SH3PXD2A: variants seen among roughly 807,000 people sequenced by gnomAD.
SH3PXD2A encodes SH3 and PX domain-containing protein 2A.
Under a neutral mutation model 115.2 loss-of-function variants are expected in SH3PXD2A, and 32 were observed. The ratio of observed to expected loss-of-function variants is 0.28; its 90% CI spans 0.21 to 0.37. The LOEUF is 0.37. Among genes scored for constraint, SH3PXD2A ranks in the 10% least tolerant of loss-of-function variants. The pLI is 1.00. For synonymous variants in SH3PXD2A, 610 were observed against 629.1 expected, an observed-to-expected ratio of 0.97 and a Z score of 0.45; for missense variants, 1,328 against 1,498.7, an observed-to-expected ratio of 0.89 and a Z score of 1.88.
At chr10:103,623,015 C>G (rs528377688) in intron 9 of SH3PXD2A, among the ~76,000 whole-genome samples, 262 of 152,288 alleles carry the variant, frequency 1.7e-3, no homozygotes, top group African/African-American at 5.2e-3. Context: ...AACGTGCTAC[C>G]TTGGACAGGC....
intron 4 of SH3PXD2A, among the ~76,000 whole-genome samples, chr10:103,734,041 T>C (rs565772297): frequency 1.3e-5 from 2 of 152,264 alleles, no homozygotes; most frequent in East Asian, 3.9e-4. Flanking sequence ...ATATACATTC[T>C]CCCTACTCAG....
chr10:103,644,015 T>C (rs2036994937), intron 8 of SH3PXD2A, among the ~76,000 whole-genome samples: 1 of 145,852 alleles, frequency 6.9e-6, no homozygotes, highest in African/African-American at 2.6e-5. Context: ...CTGGGGAGGC[T>C]GAGGTAAGAG....
chr10:103,834,705 A>G (rs2039513303), intron 1 of SH3PXD2A, among the ~76,000 whole-genome samples: 1 of 152,214 alleles, frequency 6.6e-6, no homozygotes, highest in African/African-American at 2.4e-5. Flanking sequence ...CGTTGCTTTT[A>G]TGCCAGCCAC....
intron 2 of SH3PXD2A, among the ~76,000 whole-genome samples, chr10:103,796,807 C>T (rs181659509): frequency 5.0e-4 from 76 of 151,130 alleles, no homozygotes; most frequent in African/African-American, 1.7e-3. Context: ...TTCAGATAAA[C>T]GACAAATAAC....
chr10:103,682,251 G>A (rs1321783829), intron 6 of SH3PXD2A, among the ~76,000 whole-genome samples: 2 of 152,204 alleles, frequency 1.3e-5, no homozygotes, highest in Non-Finnish European at 2.9e-5. Context: ...AGGCCAATTG[G>A]GCAGTGGGGC....
At chr10:103,750,737 C>G (rs1163013383) in intron 3 of SH3PXD2A, among the ~76,000 whole-genome samples, 5 of 152,232 alleles carry the variant, frequency 3.3e-5, no homozygotes, top group African/African-American at 1.2e-4. Context: ...GGGGTCAATG[C>G]TCTTTCTGCC....
rs1161491353 is a variant in SH3PXD2A at position 103,702,598 on chromosome 10, T to TGTGTGTGTGTGTGTGC, written c.399-9558_399-9543dup. Among the ~76,000 whole-genome samples the TGTGTGTGTGTGTGTGC allele has an allele frequency of 6.9e-4, 103 of 149,602 alleles. 1 individual carries two copies. Among genetic ancestry groups the TGTGTGTGTGTGTGTGC allele is most frequent in the African/African-American group, 2.4e-3 (99 of 40,468 alleles). ...ACAGATGTAAGCCTGTGTGTGTGCG[T>TGTGTGTGTGTGTGTGC]GTGTGTGTGTGTGTGCATGCTGGGT... On this transcript the variant is annotated intron_variant, in intron 5 of 14. Transcript: ENST00000369774.
intron 11 of SH3PXD2A, among the ~76,000 whole-genome samples, chr10:103,616,770 C>G (rs1200361261): frequency 6.6e-6 from 1 of 152,124 alleles, no homozygotes; most frequent in Non-Finnish European, 1.5e-5. Context: ...AGTACTGAGC[C>G]TGGGCAGCAG....
At chr10:103,702,585 C>CTGTGTGTGTGTGTGTGTGTGTGTG (rs61568990) in intron 5 of SH3PXD2A, among the ~76,000 whole-genome samples, 2 of 32,984 alleles carry the variant, frequency 6.1e-5, no homozygotes, top group Admixed American at 3.2e-4. Context: ...AGATGTAAGC[C>CTGTGTGTGTGTGTGTGTGTGTGTG]TGTGTGTGTG....
intron 5 of SH3PXD2A, among the ~76,000 whole-genome samples, chr10:103,720,061 G>C (rs2038163529): frequency 6.6e-6 from 1 of 152,226 alleles, no homozygotes; most frequent in Non-Finnish European, 1.5e-5. Flanking sequence ...ATTGCTCACA[G>C]TTCTGGAGGC....
At chr10:103,839,533 G>A (rs1238252432) in intron 1 of SH3PXD2A, among the ~76,000 whole-genome samples, 1 of 152,094 alleles carries the variant, frequency 6.6e-6, no homozygotes, top group Non-Finnish European at 1.5e-5. Flanking sequence ...TTTTACAGAT[G>A]AGAAAACCGA....
intron 5 of SH3PXD2A, among the ~76,000 whole-genome samples, chr10:103,697,448 T>G (rs1592306472): frequency 2.6e-5 from 4 of 152,192 alleles, no homozygotes; most frequent in Non-Finnish European, 4.4e-5. Flanking sequence ...CTCACCACGA[T>G]GCTGGCAGAC....
chr10:103,701,309 A>C (rs1297579503), intron 5 of SH3PXD2A, among the ~76,000 whole-genome samples: 3 of 138,848 alleles, frequency 2.2e-5, no homozygotes, highest in Non-Finnish European at 4.6e-5. Context: ...CCATCCATTC[A>C]TCCATCCATC....
chr10:103,843,095 T>A (rs773096833), intron 1 of SH3PXD2A, among the ~76,000 whole-genome samples: 8 of 152,204 alleles, frequency 5.3e-5, no homozygotes, highest in Admixed American at 2.0e-4. Flanking sequence ...GGAACAGTTA[T>A]CATATGAGTA....
At chr10:103,650,350 C>T (rs1208198664) in intron 8 of SH3PXD2A, among the ~76,000 whole-genome samples, 1 of 152,238 alleles carries the variant, frequency 6.6e-6, no homozygotes, top group Non-Finnish European at 1.5e-5. Context: ...TGATGCTGGG[C>T]ACGTGGCTTC....
At chr10:103,679,592 A>G (rs1274282870) in intron 6 of SH3PXD2A, among the ~76,000 whole-genome samples, 1 of 152,184 alleles carries the variant, frequency 6.6e-6, no homozygotes, top group Non-Finnish European at 1.5e-5. Context: ...GCCAAATGCA[A>G]ATGAGCAACT....
chr10:103,615,506 G>A (rs1198362392), intron 11 of SH3PXD2A, among the ~76,000 whole-genome samples: 1 of 104,664 alleles, frequency 9.6e-6, no homozygotes, highest in Non-Finnish European at 2.4e-5. Context: ...GTGTGTGTGT[G>A]TGTGTGTGTG....
At chr10:103,811,091 G>A (rs774692792) in intron 1 of SH3PXD2A, among the ~76,000 whole-genome samples, 13 of 152,300 alleles carry the variant, frequency 8.5e-5, no homozygotes, top group Middle Eastern at 3.4e-3. Flanking sequence ...CCCCAGGAGC[G>A]TCCGCTGAAA....
At chr10:103,644,064 G>T (rs2036995634) in intron 8 of SH3PXD2A, among the ~76,000 whole-genome samples, 1 of 145,782 alleles carries the variant, frequency 6.9e-6, no homozygotes, top group Non-Finnish European at 1.5e-5. Context: ...GCAGTGGGCT[G>T]AGATTGCACC....
Sources: gnomAD v4.1 joint callset for allele counts (sites outside exome capture counted in the v4.1 genomes callset) on GRCh38, gnomAD v4.1.1 for gene constraint, MANE v1.5 for transcripts, NCBI Gene and HGNC (gene_info 2026-07-23, HGNC 2026-07-21) for gene names.